The following LAIR1 variants were observed in gnomAD, a reference collection of about 807,000 sequenced individuals.
The protein encoded by LAIR1 is leukocyte associated immunoglobulin like receptor 1.
In LAIR1, 24 loss-of-function variants were observed where a neutral mutation model predicts 32.8. The ratio of observed to expected loss-of-function variants is 0.73; its 90% CI spans 0.53 to 1.03. LAIR1 has a LOEUF of 1.03. Ranked by LOEUF, LAIR1 falls within the 50% of genes least tolerant of loss-of-function variation. The pLI is 0.00. For missense variants in LAIR1, 355 were observed against 347.5 expected (o/e 1.02, Z -0.17); for synonymous variants, 150 against 140.5 (o/e 1.07, Z -0.48).
Position 54,355,405 on chromosome 19 carries a change from C to G in LAIR1, c.727G>C (p.Ala243Pro). ...DRETDTSALAAGSSQEVTYAQ... is the reference protein window; with the variant it reads ...DRETDTSALAPGSSQEVTYAQ... ...TACGTCACCTCCTGGGAACTCCCTG[C>G]AGCCAGGGCCTAAGAGGGAGAGACC... The change falls in exon 10 of 10, where the codon GCA becomes CCA. Residue 243 changes from alanine to proline, a missense_variant. Transcript: ENST00000391742. This position sits in a 1 kb window ranked among gnomAD's most constrained non-coding sequence, Gnocchi z 4.7. 6.2e-7 allele frequency: 1 copy of G among 1,605,040 alleles called. No homozygotes were observed. The highest frequency in any genetic ancestry group is 8.5e-7 in the Non-Finnish European group (1 of 1,175,412).
At chr19:54,356,083 C>T in intron 8 of LAIR1, 77 bp from the exon 9 acceptor site, 3 of 1,320,058 alleles carry the variant, frequency 2.3e-6, no homozygotes, top group South Asian at 1.2e-5. Context: ...CCACCCCCAG[C>T]TTCCGATGAC....
At chr19:54,367,820 C>T (rs1204849012), upstream of LAIR1, among the ~76,000 whole-genome samples, 1 of 140,810 alleles carries the variant, frequency 7.1e-6, no homozygotes, top group Non-Finnish European at 1.5e-5. Context: ...GGCCGGACTG[C>T]GGACTGCAGT....
At chr19:54,368,470 T>C (rs1166994850), upstream of LAIR1, 1 of 152,220 alleles carries the variant, frequency 6.6e-6, no homozygotes, top group African/African-American at 2.4e-5. Flanking sequence ...CCCTGCCTCT[T>C]TTCACTTTAG....
rs1316226560 is a variant in LAIR1, at chr19:54,354,469, GA to G, written c.*798del. The G allele has an allele frequency of 1.3e-5, 2 of 152,232 alleles. No homozygotes were observed. The highest frequency in any genetic ancestry group is 2.9e-5 in the Non-Finnish European group (2 of 68,060). 9.4% of individuals were successfully genotyped at this position (152,232 alleles called of 1,614,324 possible). A position where few individuals can be genotyped will look rare whatever the true frequency, so the allele number is the denominator to read the frequency against. The stretch of plus-strand genomic sequence containing the variant: ...ATGGGTGCGCTGAGGAATTGATTGT[GA>G]CTGTCATTGCACAATGTACGTGTAC... On this transcript the variant is annotated 3_prime_UTR_variant, in exon 10 of 10. Transcript: ENST00000391742.
upstream of LAIR1, among the ~76,000 whole-genome samples, chr19:54,366,735 G>A (rs866379927): frequency 3.3e-5 from 5 of 152,066 alleles, no homozygotes; most frequent in Admixed American, 6.6e-5. Flanking sequence ...TGATCCACCC[G>A]CCTCGGCCTC....
upstream of LAIR1, among the ~76,000 whole-genome samples, chr19:54,371,773 C>T (rs1260597488): frequency 5.3e-5 from 8 of 151,490 alleles, no homozygotes; most frequent in African/African-American, 1.5e-4. Context: ...TTTGTTCCTG[C>T]GTTTCTCCAT....
chr19:54,366,557 C>T (rs1157685955), upstream of LAIR1, among the ~76,000 whole-genome samples: 1 of 151,980 alleles, frequency 6.6e-6, no homozygotes. Context: ...AGTGCGATCT[C>T]GGCTCCCTGC....
In LAIR1 at chr19:54,356,002, C is replaced by T; in HGVS notation, c.669G>A (p.Lys223=). The change falls in exon 9 of 10, where the codon AAG becomes AAA. Residue 223 remains lysine, a synonymous_variant. Transcript: ENST00000391742. ...TCTCAGGAAGTCCATTGACTGTGGC[C>T]TTGTCTTGGGGAGAAAATACATGGT... is the stretch of plus-strand genomic sequence containing the variant. ...AVDVLERTAD[K]ATVNGLPEKD... 3.7e-6 allele frequency: 6 copies of T among 1,610,138 alleles called. No homozygotes were observed. In the East Asian group the frequency reaches 1.3e-4, roughly 36 times the overall value.
chr19:54,362,149 G>A (rs1296699874), intron 2 of LAIR1, among the ~76,000 whole-genome samples: 3 of 151,998 alleles, frequency 2.0e-5, no homozygotes, highest in East Asian at 1.9e-4. Flanking sequence ...CTCACTTTGC[G>A]TAGTTAATTG....
At chr19:54,374,613 C>T (rs1329875202), upstream of LAIR1, among the ~76,000 whole-genome samples, 1 of 152,114 alleles carries the variant, frequency 6.6e-6, no homozygotes, top group Non-Finnish European at 1.5e-5. Context: ...ACAGCTGCGA[C>T]GTTTTCCTGG....
At chr19:54,362,776 G>A (rs1036267965) in intron 2 of LAIR1, among the ~76,000 whole-genome samples, 13 of 152,296 alleles carry the variant, frequency 8.5e-5, no homozygotes, top group African/African-American at 2.4e-4. Context: ...GTGAGCCACC[G>A]CACCCAGCCT....
upstream of LAIR1, chr19:54,368,361 T>A (rs1207339962): frequency 6.6e-6 from 1 of 152,214 alleles, no homozygotes; most frequent in Non-Finnish European, 1.5e-5. Context: ...AAACTTAGCA[T>A]TGAACATGAG....
upstream of LAIR1, among the ~76,000 whole-genome samples, chr19:54,374,559 A>G (rs773781040): frequency 1.3e-5 from 2 of 152,108 alleles, no homozygotes; most frequent in African/African-American, 2.4e-5. Flanking sequence ...TGCCGCAGTG[A>G]CCTTGGCAAA....
rs200353736 is a variant in LAIR1 at position 54,355,277 on chromosome 19, G to A, written c.855C>T (p.Ala285=). ...CCAGGTGGGTATGGGGTCAGTGTCT[G>A]GCAACGGCTGCATACGTGATGGACT... is the stretch of plus-strand genomic sequence containing the variant. The part of the protein sequence containing the change: ...MAESITYAAV[A]RH Residue 285 remains alanine (A), a synonymous_variant, in exon 10 of 10, where the codon GCC becomes GCT. Transcript: ENST00000391742. The surrounding 1 kb of genome is among the most constrained non-coding windows in gnomAD (Gnocchi z 4.7). 4.7e-5 allele frequency: 75 copies of A among 1,606,870 alleles called. No homozygotes were observed. Among genetic ancestry groups the A allele is most frequent in the Non-Finnish European group, 1.1e-5 (13 of 1,176,246 alleles).
chr19:54,356,987 G>A, intron 4 of LAIR1, 21 bp from the exon 5 acceptor site: 1 of 1,612,672 alleles, frequency 6.2e-7, no homozygotes, highest in Non-Finnish European at 8.5e-7. Flanking sequence ...GGAATCAGAA[G>A]GAGGAGGAGT....
At chr19:54,366,217 T>G (rs560509478), upstream of LAIR1, among the ~76,000 whole-genome samples, 1 of 152,204 alleles carries the variant, frequency 6.6e-6, no homozygotes, top group Non-Finnish European at 1.5e-5. Context: ...TGAAATTTGT[T>G]AACGGAATAG....
Position 54,355,783 on chromosome 19 carries a change from C to T in LAIR1, c.717+171G>A, listed in dbSNP as rs968054643. 1.3e-5 allele frequency among the ~76,000 whole-genome samples: 2 copies of T among 152,154 alleles called. No homozygotes were observed. Among genetic ancestry groups the T allele is most frequent in the East Asian group, 1.9e-4 (1 of 5,186 alleles). ...TCTTGGACGTGGATCCTCCAGCCCA[C>T]GGGAGCCTTCGGATGCACACAGCCC... On this transcript the variant is annotated intron_variant, in intron 9 of 9. Transcript: ENST00000391742. This position sits in a 1 kb window ranked among gnomAD's most constrained non-coding sequence, Gnocchi z 4.7.
At chr19:54,367,644 G>C (rs1401909160), upstream of LAIR1, among the ~76,000 whole-genome samples, 1 of 151,598 alleles carries the variant, frequency 6.6e-6, no homozygotes, top group Non-Finnish European at 1.5e-5. Context: ...TACTCAGGAG[G>C]CTGAGGCAGG....
At position 54,356,626 on chromosome 19, in the gene LAIR1, AAGAC is replaced by A; in HGVS notation, c.455-11_455-8del. The stretch of plus-strand genomic sequence containing the variant: ...CCTTGGGAAGCAGGTGCATCTAAGA[AAGAC>A]AGAAACAGGATTTCAGCAGTGTGCA... On this transcript the variant is annotated splice_region_variant and splice_polypyrimidine_tract_variant and intron_variant, in intron 5 of 9. Coordinates refer to ENST00000391742, the MANE Select transcript of LAIR1 (RefSeq NM_002287.6). 2.5e-6 allele frequency: 4 copies of A among 1,613,462 alleles called. No individual in the cohort carries two copies. Among genetic ancestry groups the A allele is most frequent in the Non-Finnish European group, 3.4e-6 (4 of 1,179,950 alleles).
Sources: gnomAD v4.1 joint callset for allele counts (sites outside exome capture counted in the v4.1 genomes callset) on GRCh38, gnomAD v4.1.1 for gene constraint, Gnocchi (gnomAD v3.1) non-coding constraint, MANE v1.5 for transcripts, NCBI Gene and HGNC (gene_info 2026-07-23, HGNC 2026-07-21) for gene names.